The following LARP1 variants were observed in gnomAD, a reference collection of about 807,000 sequenced individuals.
LARP1 encodes the protein La ribonucleoprotein 1, translational regulator.
A neutral mutation model predicts 122.7 loss-of-function variants in LARP1; 36 were observed. The observed-to-expected ratio is 0.29, with a 90% CI of 0.22 to 0.39. The LOEUF (loss-of-function observed/expected upper bound fraction) is 0.39, where lower values mean the gene tolerates loss of function less well. Ranked by LOEUF, LARP1 falls within the 10% of genes least tolerant of loss-of-function variation. The pLI is 1.00. For missense variants in LARP1, 1,040 were observed against 1,403.6 expected (o/e 0.74, Z 4.14); for synonymous variants, 539 against 528.7 (o/e 1.02, Z -0.27).
At chr5:154,684,819 CTG>C (rs746482497) in intron 1 of LARP1, among the ~76,000 whole-genome samples, 5 of 152,232 alleles carry the variant, frequency 3.3e-5, no homozygotes, top group Non-Finnish European at 5.9e-5. Flanking sequence ...CCAGCACAGT[CTG>C]TGCCTCATGG....
chr5:154,788,309 G>C (rs528352594), intron 1 of LARP1, among the ~76,000 whole-genome samples: 64 of 152,272 alleles, frequency 4.2e-4, no homozygotes, highest in African/African-American at 1.5e-3. Context: ...CCCTGCACTG[G>C]GGGTGTGGGA....
At chr5:154,689,597 A>G (rs1370670746) in intron 1 of LARP1, among the ~76,000 whole-genome samples, 1 of 150,788 alleles carries the variant, frequency 6.6e-6, no homozygotes, top group African/African-American at 2.4e-5. Context: ...TCCAGCCTGG[A>G]CTACAGACCA....
intron 1 of LARP1, among the ~76,000 whole-genome samples, chr5:154,695,923 G>T (rs1006685962): frequency 7.2e-5 from 11 of 152,032 alleles, no homozygotes; most frequent in Non-Finnish European, 1.5e-4. Flanking sequence ...CTCCATACAC[G>T]GAATCACAAT....
At chr5:154,724,931 G>A (rs1269063335) in intron 1 of LARP1, among the ~76,000 whole-genome samples, 1 of 152,106 alleles carries the variant, frequency 6.6e-6, no homozygotes, top group African/African-American at 2.4e-5. Flanking sequence ...CCTCCCAAAG[G>A]CTGGGATTAC....
chr5:154,767,134 C>T (rs1024344188), intron 1 of LARP1, among the ~76,000 whole-genome samples: 1 of 152,110 alleles, frequency 6.6e-6, no homozygotes, highest in Non-Finnish European at 1.5e-5. Flanking sequence ...TCACAGTTAG[C>T]GCAGCCATTT....
chr5:154,719,679 T>C (rs1180864357), intron 1 of LARP1, among the ~76,000 whole-genome samples: 3 of 149,978 alleles, frequency 2.0e-5, no homozygotes, highest in East Asian at 2.0e-4. Context: ...CTGACCAACA[T>C]GGTGAAACCC....
intron 1 of LARP1, among the ~76,000 whole-genome samples, chr5:154,763,206 A>G (rs1482674832): frequency 6.6e-6 from 1 of 151,910 alleles, no homozygotes. Context: ...GATTACAGCC[A>G]TGCACCACCA....
chr5:154,686,871 C>A (rs1004750883), intron 1 of LARP1, among the ~76,000 whole-genome samples: 8 of 152,242 alleles, frequency 5.3e-5, no homozygotes, highest in African/African-American at 1.9e-4. Flanking sequence ...GTCCAAGTAT[C>A]CCTTGGCAGA....
chr5:154,715,598 C>A (rs1245085415), intron 1 of LARP1, among the ~76,000 whole-genome samples: 1 of 152,164 alleles, frequency 6.6e-6, no homozygotes, highest in East Asian at 1.9e-4. Flanking sequence ...GGGAAGACTC[C>A]TAAACGTTTT....
intron 10 of LARP1, 107 bp from the exon 11 acceptor site, chr5:154,801,900 A>G: frequency 9.4e-7 from 1 of 1,059,992 alleles, no homozygotes; most frequent in Non-Finnish European, 1.3e-6. Flanking sequence ...GTCATAGTTG[A>G]ACAGTCTTAT....
rs115019698 is a variant in LARP1, at chr5:154,720,466, A to G, written c.205+7336A>G. Among the ~76,000 whole-genome samples the G allele has an allele frequency of 2.7e-3, 414 of 152,166 alleles. 2 individuals are homozygous for G. Among genetic ancestry groups the G allele is most frequent in the African/African-American group, 9.5e-3 (393 of 41,546 alleles). On this transcript the variant is annotated intron_variant, in intron 1 of 18. Coordinates refer to the LARP1 transcript ENST00000336314. ...GTAGTGGCTCACACCTGTAATTCCA[A>G]CATCTTGGGAGGCTGAGGTAGGAGG... is the stretch of plus-strand genomic sequence containing the variant.
At chr5:154,791,701 A>C (rs1451517290) in intron 3 of LARP1, among the ~76,000 whole-genome samples, 4 of 152,152 alleles carry the variant, frequency 2.6e-5, no homozygotes, top group Admixed American at 6.5e-5. Flanking sequence ...TTGCATACTC[A>C]AGTCCTGTAG....
At position 154,797,221 on chromosome 5, in the gene LARP1, G is replaced by GTTTTTTTTTTTTTTTTTTTTTTTT. The variant is rs1158010359; in HGVS notation, c.1377+1908_1377+1931dup. On this transcript the variant is annotated intron_variant, in intron 8 of 18. Coordinates refer to ENST00000518297, the MANE Select transcript of LARP1 (RefSeq NM_033551.3). ...GGAGTTATTCTGTTTTGTTGTTGTT[G>GTTTTTTTTTTTTTTTTTTTTTTTT]TTTTTTTTTTTTTTTTTTTTTTTTT... 1.3e-4 allele frequency among the ~76,000 whole-genome samples: 4 copies of GTTTTTTTTTTTTTTTTTTTTTTTT among 29,780 alleles called. 1 individual carries two copies. The highest frequency in any genetic ancestry group is 2.4e-3 in the East Asian group (2 of 828). The allele number at this position is 29,780 out of a possible 152,430, so 19.5% of individuals were successfully genotyped here.
intron 1 of LARP1, among the ~76,000 whole-genome samples, chr5:154,771,297 A>G (rs1755407420): frequency 6.6e-6 from 1 of 152,086 alleles, no homozygotes; most frequent in Admixed American, 6.6e-5. Context: ...ACCCTCTGCT[A>G]ATCTCATGAT....
intron 1 of LARP1, among the ~76,000 whole-genome samples, chr5:154,781,589 G>A (rs143927632): frequency 0.078 from 11,790 of 151,324 alleles, 522 homozygotes; most frequent in Admixed American, 0.14. Flanking sequence ...GTGAGACTCC[G>A]TCTCAAAAAA....
intron 3 of LARP1, among the ~76,000 whole-genome samples, chr5:154,791,390 A>C (rs1231240787): frequency 6.7e-6 from 1 of 150,032 alleles, no homozygotes; most frequent in Non-Finnish European, 1.5e-5. Flanking sequence ...ATTTTTGTAT[A>C]TTTTAGAGAC....
chr5:154,755,653 C>T lies in LARP1; in HGVS notation c.-105C>T, dbSNP rs1171121379. ...CGACCCTTCTCTGCAGGGACTGGGGCCCAGCGCCCCGGAGGAAGGCGTCGC... is the reference window on the plus strand; with the variant it reads ...CGACCCTTCTCTGCAGGGACTGGGGTCCAGCGCCCCGGAGGAAGGCGTCGC... On this transcript the variant is annotated 5_prime_UTR_variant, in exon 1 of 19. Coordinates refer to ENST00000518297, the MANE Select transcript of LARP1 (RefSeq NM_033551.3). 2.0e-6 allele frequency: 2 copies of T among 987,656 alleles called. No individual in the cohort carries two copies. The highest frequency in any genetic ancestry group is 1.1e-4 in the East Asian group (1 of 8,736). 61.2% of individuals were successfully genotyped at this position (987,656 alleles called of 1,614,324 possible). A position where few individuals can be genotyped will look rare whatever the true frequency, so the allele number is the denominator to read the frequency against.
chr5:154,780,071 G>A (rs1158537520), intron 1 of LARP1, among the ~76,000 whole-genome samples: 4 of 151,930 alleles, frequency 2.6e-5, no homozygotes, highest in African/African-American at 7.3e-5. Context: ...CTGGATTGGG[G>A]GAACTAGTTG....
intron 1 of LARP1, among the ~76,000 whole-genome samples, chr5:154,706,052 T>C (rs538068767): frequency 1.2e-4 from 19 of 152,080 alleles, no homozygotes; most frequent in Non-Finnish European, 2.4e-4. Flanking sequence ...TCCCAGCACT[T>C]TGGGAGGCTG....
Sources: allele counts gnomAD v4.1 joint callset (sites outside exome capture counted in the v4.1 genomes callset), GRCh38; gene constraint gnomAD v4.1.1; transcripts MANE v1.5; gene names NCBI Gene and HGNC (gene_info 2026-07-23, HGNC 2026-07-21).